ACADM: variants seen among roughly 807,000 people sequenced by gnomAD.
ACADM encodes the protein acyl-CoA dehydrogenase medium chain.
ACADM carries 49 observed loss-of-function variants against 58.9 expected under a neutral mutation model. The observed-to-expected ratio is 0.83, with a 90% CI of 0.66 to 1.06. The LOEUF is 1.06. Ranked by LOEUF, ACADM falls within the 50% of genes least tolerant of loss-of-function variation. The pLI is 0.00. For synonymous variants in ACADM, 160 were observed against 157.7 expected, an observed-to-expected ratio of 1.01 and a Z score of -0.11; for missense variants, 496 against 507.0, an observed-to-expected ratio of 0.98 and a Z score of 0.21.
chr1:75,737,279 AATAT>A (rs368688785), intron 6 of ACADM, among the ~76,000 whole-genome samples: 3,468 of 42,376 alleles, frequency 0.082, 186 homozygotes, highest in East Asian at 0.13. Flanking sequence ...CACACACACA[AATAT>A]ATATATATAT....
chr1:75,726,800 CTTT>C lies in ACADM; in HGVS notation c.31-1581_31-1579del, dbSNP rs748703972. On this transcript the variant is annotated intron_variant, in intron 1 of 11. Transcript: ENST00000370841. ...AATAAGCACCAGAGAAACTGTTTCA[CTTT>C]TTTTTTTTTTTTTTTTTTTGAGACG... Among the ~76,000 whole-genome samples, 794 of 119,812 alleles carry C rather than the reference CTTT, an allele frequency of 6.6e-3. 16 individuals carry two copies. The East Asian group carries it at 0.11, about 16-fold the overall frequency. 78.6% of individuals were successfully genotyped at this position (119,812 alleles called of 152,430 possible).
intron 10 of ACADM, among the ~76,000 whole-genome samples, chr1:75,751,995 C>CTT (rs34262751): frequency 0.31 from 42,814 of 140,162 alleles, 7,069 homozygotes; most frequent in African/African-American, 0.4. Context: ...TCCTATTTCT[C>CTT]TTTTTTTTTT....
At chr1:75,728,279 T>C (rs1246696597) in intron 1 of ACADM, 122 bp from the exon 2 acceptor site, 2 of 668,322 alleles carry the variant, frequency 3.0e-6, no homozygotes, top group Admixed American at 2.9e-5. Flanking sequence ...TAAATAGTGA[T>C]GACTTTAAAA....
intron 7 of ACADM, among the ~76,000 whole-genome samples, chr1:75,740,904 A>G (rs1397673389): frequency 1.3e-5 from 2 of 152,230 alleles, no homozygotes; most frequent in Non-Finnish European, 2.9e-5. Flanking sequence ...TCTGAAAAGC[A>G]AAGCCTTGGT....
chr1:75,732,470 G>T (rs1647163448), intron 2 of ACADM, 174 bp from the exon 3 acceptor site: 3 of 635,542 alleles, frequency 4.7e-6, no homozygotes, highest in South Asian at 1.9e-5. Flanking sequence ...ATTGACATAG[G>T]TTTATTTATA....
chr1:75,742,508 T>G (rs1250501700), intron 7 of ACADM, among the ~76,000 whole-genome samples: 1 of 152,148 alleles, frequency 6.6e-6, no homozygotes, highest in Non-Finnish European at 1.5e-5. Context: ...CTTGAAAAGC[T>G]CAAGGCAATC....
At position 75,724,832 on chromosome 1, in the gene ACADM, A is replaced by C. The variant is rs764930767; in HGVS notation, c.30+15A>C. 2 of 1,478,070 alleles carry C rather than the reference A, an allele frequency of 1.4e-6. No homozygotes were observed. The highest frequency in any genetic ancestry group is 2.7e-5 in the East Asian group (1 of 37,264). The allele number at this position is 1,478,070 out of a possible 1,614,324, so 91.6% of individuals were successfully genotyped here. ...GATGCTGCAGGGTGAGAGGGAGCCC[A>C]GCGGTGCGGTGGGGCTGGAACATGG... On this transcript the variant is annotated intron_variant, in intron 1 of 11. Coordinates refer to ENST00000370841, the MANE Select transcript of ACADM (RefSeq NM_000016.6).
chr1:75,724,879 G>T, intron 1 of ACADM, 62 bp downstream of exon 1: 1 of 1,365,744 alleles, frequency 7.3e-7, no homozygotes, highest in South Asian at 2.0e-5. Context: ...TCGGAGCAGG[G>T]GGCCCTGGGC....
At chr1:75,731,354 T>G (rs1251066) in intron 2 of ACADM, among the ~76,000 whole-genome samples, 11,143 of 151,658 alleles carry the variant, frequency 0.073, 1,374 homozygotes, top group African/African-American at 0.26. Context: ...TCAGCTTTTA[T>G]GTATTGTTTC....
At chr1:75,752,475 T>C (rs895129234) in intron 10 of ACADM, among the ~76,000 whole-genome samples, 1 of 152,236 alleles carries the variant, frequency 6.6e-6, no homozygotes, top group African/African-American at 2.4e-5. Flanking sequence ...TTAGCACTGC[T>C]CTGTGTCCCT....
rs558499900 is a variant in ACADM, at chr1:75,750,681, G to T, written c.945+135G>T. The T allele has an allele frequency of 1.7e-5, 12 of 719,616 alleles. No individual in the cohort carries two copies. In the East Asian group the frequency reaches 3.0e-4, roughly 18 times the overall value. 44.6% of individuals were successfully genotyped at this position (719,616 alleles called of 1,614,324 possible). On this transcript the variant is annotated intron_variant, in intron 10 of 11. Coordinates refer to ENST00000370841, the MANE Select transcript of ACADM (RefSeq NM_000016.6). ...GAAGATAATGTGGTTTTATCAAGAT[G>T]AGTTTCAAAGACATTTCTTTTTAGA...
intron 9 of ACADM, among the ~76,000 whole-genome samples, 179 bp from the exon 10 acceptor site, chr1:75,750,272 C>G (rs1433005367): frequency 6.6e-6 from 1 of 152,176 alleles, no homozygotes; most frequent in Non-Finnish European, 1.5e-5. Flanking sequence ...ACAAATGCCT[C>G]TTACTACCTT....
In ACADM at chr1:75,761,386, AT is replaced by A. The variant is rs759041992; in HGVS notation, c.1194+23del. The A allele has an allele frequency of 2.1e-5, 34 of 1,613,318 alleles. No homozygotes were observed. The East Asian group carries it at 7.1e-4, about 34-fold the overall frequency. ...AATCTATCAGGTAAGGTTAAAGATG[AT>A]TTTTTTGGTTTGCAAGGAGAGAGAA... On this transcript the variant is annotated intron_variant, in intron 11 of 11. Transcript: ENST00000370841.
intron 6 of ACADM, among the ~76,000 whole-genome samples, chr1:75,736,244 C>G (rs1028372375): frequency 6.6e-6 from 1 of 150,382 alleles, no homozygotes; most frequent in Non-Finnish European, 1.5e-5. Context: ...AGGATTTTTA[C>G]TTCTTGTTTA....
rs1272058909 is a variant in ACADM at position 75,745,832 on chromosome 1, C to T, written c.626C>T (p.Pro209Leu). 1 of 1,613,784 alleles carries T rather than the reference C, an allele frequency of 6.2e-7. No homozygotes were observed. Among genetic ancestry groups the T allele is most frequent in the Admixed American group, 1.7e-5 (1 of 60,006 alleles). The change falls in exon 8 of 12, where the codon CCA becomes CTA. Residue 209 changes from proline (P) to leucine (L), a missense_variant. Coordinates refer to ENST00000370841, the MANE Select transcript of ACADM (RefSeq NM_000016.6). ...TATTTTTTATTGGCACGTTCTGATC[C>T]AGATCCTAAAGCTCCTGCTAATAAA... The part of the protein sequence containing the change: ...NWYFLLARSD[P>L]DPKAPANKAF...
At chr1:75,724,862 T>G in intron 1 of ACADM, 45 bp downstream of exon 1, 1 of 1,406,606 alleles carries the variant, frequency 7.1e-7, no homozygotes, top group Non-Finnish European at 9.3e-7. Flanking sequence ...ACATGGGTAT[T>G]GTGGTGTCGG....
At position 75,743,615 on chromosome 1, in the gene ACADM, G is replaced by A. The variant is rs1557453217; in HGVS notation, c.600-2191G>A. 1.2e-5 allele frequency: 19 copies of A among 1,558,778 alleles called. No homozygotes were observed. The East Asian group carries it at 4.3e-4, about 35-fold the overall frequency. On this transcript the variant is annotated intron_variant, in intron 7 of 11. Transcript: ENST00000370841. ...TGCATCCCCAGGATGGCAGACAGGG[G>A]GGTTGATAATGGGTGTTCAAAGAGT...
chr1:75,728,057 C>T (rs1484134917), intron 1 of ACADM, among the ~76,000 whole-genome samples: 2 of 152,130 alleles, frequency 1.3e-5, no homozygotes, highest in East Asian at 1.9e-4. Flanking sequence ...CACCCCAACT[C>T]TCCAACCATT....
rs770663738 is a variant in ACADM, at chr1:75,761,344, C to G, written c.1168C>G (p.Leu390Val). Reference protein sequence around the residue: ...GFNTEYPVEKLMRDAKIYQIY... With the variant: ...GFNTEYPVEKVMRDAKIYQIY... ...TAATACAGAATATCCTGTAGAAAAA[C>G]TAATGAGGGATGCCAAAATCTATCA... Residue 390 changes from leucine to valine, a missense_variant, in exon 11 of 12, where the codon CTA becomes GTA. Transcript: ENST00000370841. 1 of 1,613,984 alleles carries G rather than the reference C, an allele frequency of 6.2e-7. No individual in the cohort carries two copies. The highest frequency in any genetic ancestry group is 8.5e-7 in the Non-Finnish European group (1 of 1,179,960).
Sources: allele counts gnomAD v4.1 joint callset (sites outside exome capture counted in the v4.1 genomes callset), GRCh38; gene constraint gnomAD v4.1.1; transcripts MANE v1.5; gene names NCBI Gene and HGNC (gene_info 2026-07-23, HGNC 2026-07-21).